ZRANB3: variants seen among roughly 807,000 people sequenced by gnomAD.
ZRANB3 encodes the protein DNA annealing helicase and endonuclease ZRANB3.
In ZRANB3, 125 loss-of-function variants were observed where a neutral mutation model predicts 133.8. The observed-to-expected ratio is 0.93, with a 90% CI of 0.81 to 1.08. ZRANB3 has a LOEUF of 1.08. Among genes scored for constraint, ZRANB3 ranks in the 50% least tolerant of loss-of-function variants. The pLI, the probability that ZRANB3 is intolerant of heterozygous loss-of-function variation, is 0.00. For synonymous variants in ZRANB3, 387 were observed against 432.7 expected (o/e 0.89, Z 1.31); for missense variants, 1,229 against 1,275.5 (o/e 0.96, Z 0.56).
intron 15 of ZRANB3, among the ~76,000 whole-genome samples, chr2:135,221,046 G>A (rs1185009870): frequency 3.3e-5 from 5 of 151,832 alleles, no homozygotes; most frequent in South Asian, 4.2e-4. Flanking sequence ...TAGTAGAGTC[G>A]GGGTTTCACC....
rs74796708 is a variant in ZRANB3 at position 135,400,920 on chromosome 2, T to C, written c.162-10100A>G. Among the ~76,000 whole-genome samples the C allele has an allele frequency of 8.9e-4, 135 of 152,344 alleles. 2 individuals carry two copies. The East Asian group carries it at 0.024, about 27-fold the overall frequency. ...ACTTGTAAGGAACTCAGAATTCTCT[T>C]TGTTAACTGTTAAGTCATTTAGATT... On this transcript the variant is annotated intron_variant, in intron 2 of 20. Coordinates refer to ENST00000264159, the MANE Select transcript of ZRANB3 (RefSeq NM_032143.4).
In ZRANB3 at chr2:135,217,508, C is replaced by T. The variant is rs1280044949; in HGVS notation, c.2452G>A (p.Glu818Lys). The part of the protein sequence containing the change: ...QLFCSPILAL[E>K]EITKQQTKQN... ...TTGGTTTGTTGCTTTGTGATCTCTT[C>T]CAAAGCAAGAATTGGGCTACAGAAT... The change falls in exon 17 of 21, where the codon GAA (glutamate) becomes AAA (lysine). Residue 818 changes from glutamate to lysine, a missense_variant. Transcript: ENST00000264159. 1 of 1,613,332 alleles carries T rather than the reference C, an allele frequency of 6.2e-7. No homozygotes were observed.
At chr2:135,306,446 C>T (rs1010156668) in intron 8 of ZRANB3, among the ~76,000 whole-genome samples, 16 of 150,682 alleles carry the variant, frequency 1.1e-4, no homozygotes, top group Non-Finnish European at 2.2e-4. Flanking sequence ...CGCCACCACG[C>T]CCGGCTAATT....
rs566687656 is a variant in ZRANB3 at position 135,299,281 on chromosome 2, T to C, written c.966+14208A>G. ...TGTGTCATACAGGTCTCCAGGGAAG[T>C]GGGGGAAAGCCTGCAGTGACAGGCC... On this transcript the variant is annotated intron_variant, in intron 8 of 20. Coordinates refer to ENST00000264159, the MANE Select transcript of ZRANB3 (RefSeq NM_032143.4). Among the ~76,000 whole-genome samples, 4 of 152,098 alleles carry C rather than the reference T, an allele frequency of 2.6e-5. No individual in the cohort carries two copies. The East Asian group carries it at 5.8e-4, about 22-fold the overall frequency.
chr2:135,457,895 C>T (rs760308247), intron 2 of ZRANB3, among the ~76,000 whole-genome samples: 1 of 152,000 alleles, frequency 6.6e-6, no homozygotes, highest in Non-Finnish European at 1.5e-5. Flanking sequence ...TCCTTTAAAG[C>T]ACAGAAGTTT....
intron 13 of ZRANB3, among the ~76,000 whole-genome samples, chr2:135,229,053 T>C (rs1230225258): frequency 6.6e-6 from 1 of 152,196 alleles, no homozygotes; most frequent in Non-Finnish European, 1.5e-5. Context: ...ATAGTCACAA[T>C]AGAGCTTATT....
intron 5 of ZRANB3, among the ~76,000 whole-genome samples, chr2:135,347,439 C>T (rs1196914567): frequency 2.0e-5 from 3 of 151,962 alleles, no homozygotes; most frequent in African/African-American, 7.3e-5. Flanking sequence ...ACTACAGGCG[C>T]CCACCACCGC....
chr2:135,386,939 A>T (rs1005888833), intron 3 of ZRANB3, among the ~76,000 whole-genome samples: 36 of 151,840 alleles, frequency 2.4e-4, no homozygotes, highest in Non-Finnish European at 1.3e-4. Flanking sequence ...ATGTATACCT[A>T]TGTAACAAAC....
rs553048833 is a variant in ZRANB3, at chr2:135,283,850, C to T, written c.967-8095G>A. Among the ~76,000 whole-genome samples, 4 of 151,636 alleles carry T rather than the reference C, an allele frequency of 2.6e-5. No homozygotes were observed. In the East Asian group the frequency reaches 7.8e-4, roughly 30 times the overall value. On this transcript the variant is annotated intron_variant, in intron 8 of 20. Coordinates refer to ENST00000264159, the MANE Select transcript of ZRANB3 (RefSeq NM_032143.4). ...ACTAATAGGAAGCCAGGCATGATGGCTCATGCCTGTAGTCCCAGCTAGTCA... is the reference window on the plus strand; with the variant it reads ...ACTAATAGGAAGCCAGGCATGATGGTTCATGCCTGTAGTCCCAGCTAGTCA...
Position 135,197,409 on chromosome 2 carries a change from T to C in ZRANB3, c.*2933A>G, listed in dbSNP as rs1693452705. 1 of 152,204 alleles carries C rather than the reference T, an allele frequency of 6.6e-6. No homozygotes were observed. The highest frequency in any genetic ancestry group is 2.1e-4 in the South Asian group (1 of 4,832). The allele number at this position is 152,204 out of a possible 1,614,324, so 9.4% of individuals were successfully genotyped here. ...TCACTCAAGAATCTGAAGAAGGGATTTGGTTTATTAGCAAGATGTATGGGC... is the reference window on the plus strand; with the variant it reads ...TCACTCAAGAATCTGAAGAAGGGATCTGGTTTATTAGCAAGATGTATGGGC... On this transcript the variant is annotated 3_prime_UTR_variant, in exon 21 of 21. Transcript: ENST00000264159.
rs144225373 is a variant in ZRANB3 at position 135,388,400 on chromosome 2, T to C, written c.180+2402A>G. ...TTATCTGAATCCATGGTGAATTCCA[T>C]AGATTTAAGGTGCATCTAGATTTCT... is the stretch of plus-strand genomic sequence containing the variant. On this transcript the variant is annotated intron_variant, in intron 3 of 20. Transcript: ENST00000264159. 1.6e-4 allele frequency among the ~76,000 whole-genome samples: 25 copies of C among 152,250 alleles called. 3 individuals carry two copies. The highest frequency in any genetic ancestry group is 5.3e-4 in the African/African-American group (22 of 41,548).
chr2:135,243,323 G>C (rs1263532319), intron 12 of ZRANB3, among the ~76,000 whole-genome samples: 1 of 152,084 alleles, frequency 6.6e-6, no homozygotes, highest in Admixed American at 6.5e-5. Context: ...AGATCAGTCT[G>C]GCCAAGATGG....
intron 3 of ZRANB3, among the ~76,000 whole-genome samples, chr2:135,384,355 G>C (rs1686863703): frequency 1.3e-5 from 2 of 152,230 alleles, no homozygotes; most frequent in South Asian, 2.1e-4. Flanking sequence ...ATAATTAATA[G>C]ATTAACAACC....
intron 8 of ZRANB3, among the ~76,000 whole-genome samples, chr2:135,307,773 G>C (rs1031939159): frequency 1.3e-5 from 2 of 152,148 alleles, no homozygotes; most frequent in Non-Finnish European, 2.9e-5. Flanking sequence ...ATAGTATGGT[G>C]GGGGAGGGGA....
chr2:135,308,555 T>A (rs1449262795), intron 8 of ZRANB3, among the ~76,000 whole-genome samples: 1 of 152,242 alleles, frequency 6.6e-6, no homozygotes, highest in East Asian at 1.9e-4. Flanking sequence ...TATTGTGATC[T>A]TTTTTCTTTC....
At chr2:135,434,149 G>A (rs926683765) in intron 2 of ZRANB3, among the ~76,000 whole-genome samples, 9 of 152,120 alleles carry the variant, frequency 5.9e-5, no homozygotes, top group Admixed American at 1.3e-4. Context: ...GCAACAGAGC[G>A]AGAGACTCCA....
intron 2 of ZRANB3, among the ~76,000 whole-genome samples, chr2:135,419,735 C>T (rs1688753028): frequency 6.7e-6 from 1 of 150,338 alleles, no homozygotes; most frequent in South Asian, 2.1e-4. Flanking sequence ...AAAAATTATA[C>T]TGCTCCTTGC....
intron 8 of ZRANB3, among the ~76,000 whole-genome samples, chr2:135,308,907 C>G (rs1258671122): frequency 4.6e-5 from 7 of 152,018 alleles, no homozygotes; most frequent in Middle Eastern, 3.4e-3. Flanking sequence ...CATTTCTTCT[C>G]TAAACAAACT....
At chr2:135,493,130 T>A (rs188592417) in intron 2 of ZRANB3, among the ~76,000 whole-genome samples, 12 of 36,994 alleles carry the variant, frequency 3.2e-4, no homozygotes, top group African/African-American at 2.0e-3. Flanking sequence ...TATATATATA[T>A]ATATATATAT....
Sources: gnomAD v4.1 joint callset for allele counts (sites outside exome capture counted in the v4.1 genomes callset) on GRCh38, gnomAD v4.1.1 for gene constraint, MANE v1.5 for transcripts, NCBI Gene and HGNC (gene_info 2026-07-23, HGNC 2026-07-21) for gene names.